The following UPK1A variants were observed in gnomAD, a reference collection of about 807,000 sequenced individuals.
UPK1A encodes the protein uroplakin-1a.
UPK1A carries 31 observed loss-of-function variants against 32.3 expected under a neutral mutation model. The ratio of observed to expected loss-of-function variants is 0.96; its 90% CI spans 0.72 to 1.30. The LOEUF (loss-of-function observed/expected upper bound fraction) is 1.30, where lower values mean the gene tolerates loss of function less well. UPK1A is among the 50% of genes most tolerant of loss of function. The probability of loss-of-function intolerance (pLI) is 0.00; values close to 1 mark genes in which losing one functional copy is unlikely to be tolerated. For missense variants in UPK1A, 340 were observed against 357.4 expected, an observed-to-expected ratio of 0.95 and a Z score of 0.39; for synonymous variants, 135 against 137.1, an observed-to-expected ratio of 0.98 and a Z score of 0.11.
chr19:35,671,341 C>T (rs1177268448), intron 3 of UPK1A, among the ~76,000 whole-genome samples: 29 of 139,368 alleles, frequency 2.1e-4, no homozygotes, highest in Admixed American at 1.5e-4. Flanking sequence ...GAGCAGAGAT[C>T]GCGCCACTGC....
chr19:35,676,092 TTCTC>T (rs1473981548), intron 6 of UPK1A, 73 bp downstream of exon 6: 5 of 1,459,612 alleles, frequency 3.4e-6, no homozygotes, highest in African/African-American at 1.4e-5. Context: ...CCCTCTCTGA[TTCTC>T]TCTTTCTCCC....
At chr19:35,675,052 A>T (rs939888599) in intron 5 of UPK1A, among the ~76,000 whole-genome samples, 4 of 151,508 alleles carry the variant, frequency 2.6e-5, no homozygotes, top group African/African-American at 9.7e-5. Context: ...AAAAAAAAAA[A>T]AAAAAAAGAA....
rs144792633 is a variant in UPK1A at position 35,668,250 on chromosome 19, G to C, written c.85-204G>C. ...CCCCGAAGAAACTGGCAGCTGGGGC[G>C]TGGGGGTCGGTTGTCTGGCTGGGCT... On this transcript the variant is annotated intron_variant, in intron 2 of 7. Transcript: ENST00000617999. 30 of 636,298 alleles carry C rather than the reference G, an allele frequency of 4.7e-5. No individual in the cohort carries two copies. The African/African-American group carries it at 5.5e-4, about 12-fold the overall frequency. 39.4% of individuals were successfully genotyped at this position (636,298 alleles called of 1,614,324 possible). A position where few individuals can be genotyped will look rare whatever the true frequency, so the allele number is the denominator to read the frequency against.
chr19:35,668,384 G>A (rs1381554109), intron 2 of UPK1A, 70 bp from the exon 3 acceptor site: 2 of 1,590,304 alleles, frequency 1.3e-6, no homozygotes, highest in South Asian at 1.1e-5. Flanking sequence ...GAGGGAACTT[G>A]CTCGTGGAGA....
intron 3 of UPK1A, among the ~76,000 whole-genome samples, chr19:35,670,859 T>C (rs1968083751): frequency 6.7e-6 from 1 of 150,262 alleles, no homozygotes; most frequent in African/African-American, 2.5e-5. Flanking sequence ...GGACTACAAG[T>C]GTGCATCACC....
chr19:35,668,291 G>A, intron 2 of UPK1A, 163 bp from the exon 3 acceptor site: 1 of 813,264 alleles, frequency 1.2e-6, no homozygotes. Flanking sequence ...TTCTCTCCTG[G>A]CCTCTGCTCA....
intron 2 of UPK1A, 157 bp from the exon 3 acceptor site, chr19:35,668,297 G>A (rs1233788473): frequency 3.5e-6 from 3 of 863,764 alleles, no homozygotes; most frequent in South Asian, 1.5e-5. Context: ...CCTGGCCTCT[G>A]CTCACCCTCA....
At chr19:35,676,976 C>G (rs1968190972) in intron 6 of UPK1A, among the ~76,000 whole-genome samples, 1 of 152,044 alleles carries the variant, frequency 6.6e-6, no homozygotes, top group African/African-American at 2.4e-5. Context: ...AATCCCAGTA[C>G]TTTGGGAGGC....
chr19:35,673,685 G>A (rs1308326659), intron 5 of UPK1A, 140 bp downstream of exon 5: 4 of 719,144 alleles, frequency 5.6e-6, no homozygotes, highest in South Asian at 3.8e-5. Flanking sequence ...GCAGGGCTGC[G>A]GTCATCACCG....
At position 35,673,554 on chromosome 19, in the gene UPK1A, G is replaced by C; in HGVS notation, c.468+9G>C. On this transcript the variant is annotated intron_variant, in intron 5 of 7. Coordinates refer to ENST00000617999, the Ensembl canonical transcript of UPK1A. Reference sequence around the variant, plus strand: ...ACCGCGTCATGATTGAGGTGGGCGGGGTGGACCGGGTGCTGGGAGGGCCCT... The same window carrying C: ...ACCGCGTCATGATTGAGGTGGGCGGCGTGGACCGGGTGCTGGGAGGGCCCT... 2 of 1,612,302 alleles carry C rather than the reference G, an allele frequency of 1.2e-6. No individual in the cohort carries two copies. Among genetic ancestry groups the C allele is most frequent in the Non-Finnish European group, 1.7e-6 (2 of 1,179,432 alleles).
exon 8 of UPK1A, chr19:35,678,030 G>A: frequency 6.4e-7 from 1 of 1,573,362 alleles, no homozygotes; most frequent in South Asian, 1.2e-5. Flanking sequence ...GGGACAGGAG[G>A]GGAAGGCAAC....
intron 3 of UPK1A, among the ~76,000 whole-genome samples, chr19:35,672,180 CA>C (rs1382521218): frequency 8.5e-5 from 13 of 152,334 alleles, no homozygotes; most frequent in Admixed American, 7.8e-4. Flanking sequence ...CACAACCCAC[CA>C]AATTCAATCA....
chr19:35,675,909 C>G (rs766655398), exon 6 of UPK1A: 2 of 1,614,042 alleles, frequency 1.2e-6, no homozygotes, highest in Admixed American at 3.3e-5. Flanking sequence ...GGCGGCCACT[C>G]CGGAGGTGGT....
chr19:35,671,698 G>A (rs1404119462), intron 3 of UPK1A, among the ~76,000 whole-genome samples: 9 of 151,098 alleles, frequency 6.0e-5, no homozygotes, highest in African/African-American at 7.3e-5. Context: ...TCCTGACCTC[G>A]TGATCCGCCC....
intron 3 of UPK1A, among the ~76,000 whole-genome samples, chr19:35,671,683 C>G (rs112738745): frequency 6.6e-6 from 1 of 151,160 alleles, no homozygotes; most frequent in African/African-American, 2.4e-5. Context: ...AGGATGGTCT[C>G]GATCTCCTGA....
exon 3 of UPK1A, chr19:35,668,470 T>C: frequency 6.2e-7 from 1 of 1,614,156 alleles, no homozygotes; most frequent in South Asian, 1.1e-5. Flanking sequence ...GGCCTGTCCC[T>C]GTTTGCTGAG....
intron 3 of UPK1A, among the ~76,000 whole-genome samples, chr19:35,672,212 T>C (rs1955646371): frequency 1.3e-5 from 2 of 152,228 alleles, no homozygotes; most frequent in South Asian, 4.1e-4. Flanking sequence ...TATCTTCCAA[T>C]ACCCAGTCTG....
chr19:35,675,793 G>A (rs763923281), intron 5 of UPK1A, 47 bp from the exon 6 acceptor site: 8 of 1,558,816 alleles, frequency 5.1e-6, no homozygotes, highest in Non-Finnish European at 7.0e-6. Flanking sequence ...GCAAGCAACT[G>A]TCCTCTCTGA....
chr19:35,668,133 A>C, intron 2 of UPK1A: 4 of 413,986 alleles, frequency 9.7e-6, no homozygotes, highest in Admixed American at 3.6e-5. Context: ...TCCTCGGGGA[A>C]TAACAGCACT....
Sources: gnomAD v4.1 joint callset for allele counts (sites outside exome capture counted in the v4.1 genomes callset) on GRCh38, gnomAD v4.1.1 for gene constraint, MANE v1.5 for transcripts, NCBI Gene and HGNC (gene_info 2026-07-23, HGNC 2026-07-21) for gene names.